EPHA3: variants seen among roughly 807,000 people sequenced by gnomAD.
The protein encoded by EPHA3 is ephrin type-A receptor 3.
Under a neutral mutation model 107.1 loss-of-function variants are expected in EPHA3, and 42 were observed. The observed-to-expected ratio is 0.39, with a 90% CI of 0.31 to 0.51. The LOEUF (loss-of-function observed/expected upper bound fraction) is 0.51, where lower values mean the gene tolerates loss of function less well. EPHA3 is among the 20% of genes least tolerant of loss of function. The pLI is 0.78. For synonymous variants in EPHA3, 461 were observed against 424.8 expected (o/e 1.09, Z -1.05); for missense variants, 1,183 against 1,211.2 (o/e 0.98, Z 0.35).
chr3:89,183,430 C>T (rs745349057), intron 2 of EPHA3, among the ~76,000 whole-genome samples: 1 of 151,822 alleles, frequency 6.6e-6, no homozygotes, highest in South Asian at 2.1e-4. Flanking sequence ...CTTGCTACAT[C>T]ATCCTACCAA....
At chr3:89,116,211 G>A (rs1707249779) in intron 1 of EPHA3, among the ~76,000 whole-genome samples, 1 of 152,080 alleles carries the variant, frequency 6.6e-6, no homozygotes, top group African/African-American at 2.4e-5. Flanking sequence ...CTGGAAAGAA[G>A]ATTTTGTCAG....
intron 2 of EPHA3, among the ~76,000 whole-genome samples, chr3:89,164,170 T>C: frequency 6.6e-6 from 1 of 152,198 alleles, no homozygotes; most frequent in East Asian, 1.9e-4. Flanking sequence ...ACAAGGAATG[T>C]CCAATCTTTT....
intron 13 of EPHA3, among the ~76,000 whole-genome samples, chr3:89,446,596 A>G (rs369401723): frequency 9.2e-5 from 14 of 152,010 alleles, no homozygotes; most frequent in African/African-American, 3.4e-4. Context: ...TTATGACTCT[A>G]TTTTAATTTC....
Position 89,472,449 on chromosome 3 carries a change from T to C in EPHA3, c.2691-15T>C. The C allele has an allele frequency of 6.2e-7, 1 of 1,600,930 alleles. No individual in the cohort carries two copies. Among genetic ancestry groups the C allele is most frequent in the Non-Finnish European group, 8.5e-7 (1 of 1,173,730 alleles). ...ACTCCTGATCTGTCTCCCTTTGGTG[T>C]TTTTTTTCTTGCAGGCCATCAAACC... On this transcript the variant is annotated splice_polypyrimidine_tract_variant and intron_variant, in intron 15 of 16. Coordinates refer to ENST00000336596, the MANE Select transcript of EPHA3 (RefSeq NM_005233.6).
intron 5 of EPHA3, among the ~76,000 whole-genome samples, chr3:89,352,192 A>G (rs1192272162): frequency 2.0e-5 from 3 of 151,366 alleles, no homozygotes; most frequent in Non-Finnish European, 4.4e-5. Context: ...AATGACCTCT[A>G]TTATCTACTT....
intron 3 of EPHA3, among the ~76,000 whole-genome samples, chr3:89,215,912 C>G (rs1704211561): frequency 6.6e-6 from 1 of 151,802 alleles, no homozygotes; most frequent in African/African-American, 2.4e-5. Flanking sequence ...TTAAAGTATA[C>G]TTCTAAAGCT....
At chr3:89,401,049 C>A (rs1708952027) in intron 7 of EPHA3, among the ~76,000 whole-genome samples, 1 of 152,102 alleles carries the variant, frequency 6.6e-6, no homozygotes, top group Admixed American at 6.5e-5. Flanking sequence ...GACATAAAAT[C>A]TCATTGTTAC....
intron 3 of EPHA3, among the ~76,000 whole-genome samples, chr3:89,250,848 G>A (rs1705145805): frequency 6.6e-6 from 1 of 152,090 alleles, no homozygotes; most frequent in Non-Finnish European, 1.5e-5. Flanking sequence ...CTGTAACTAG[G>A]TAAAATTTAT....
intron 15 of EPHA3, among the ~76,000 whole-genome samples, chr3:89,471,125 G>T (rs1286495007): frequency 6.6e-6 from 1 of 151,614 alleles, no homozygotes; most frequent in African/African-American, 2.4e-5. Flanking sequence ...CTAGTGACTG[G>T]CTCCAGTCTT....
At chr3:89,223,239 G>A (rs534642351) in intron 3 of EPHA3, among the ~76,000 whole-genome samples, 1 of 152,166 alleles carries the variant, frequency 6.6e-6, no homozygotes, top group East Asian at 1.9e-4. Flanking sequence ...AAGATGATGG[G>A]TGGCATCATG....
Position 89,450,352 on chromosome 3 carries a change from T to C in EPHA3, c.2672T>C (p.Ile891Thr), listed in dbSNP as rs2107555483. The C allele has an allele frequency of 1.2e-6, 2 of 1,613,378 alleles. No homozygotes were observed. The highest frequency in any genetic ancestry group is 2.2e-5 in the East Asian group (1 of 44,870). Reference sequence around the variant, plus strand: ...CGGAATCCCGGCAGCCTGAAGATCATCACCAGTGCAGCCGCAAGGTGACAC... The same window carrying C: ...CGGAATCCCGGCAGCCTGAAGATCACCACCAGTGCAGCCGCAAGGTGACAC... ...LIRNPGSLKI[I>T]TSAAARPSNL... is the part of the protein sequence containing the mutation. Residue 891 changes from isoleucine (I) to threonine (T), a missense_variant, in exon 15 of 17, where the codon ATC becomes ACC. By Grantham distance (89) the Ile-to-Thr change is moderately conservative. Transcript: ENST00000336596.
chr3:89,266,122 A>C (rs1363692955), intron 3 of EPHA3, among the ~76,000 whole-genome samples: 2 of 152,156 alleles, frequency 1.3e-5, no homozygotes, highest in Non-Finnish European at 2.9e-5. Flanking sequence ...AGACACTCTA[A>C]ACTCATTGAA....
chr3:89,221,387 A>G (rs1048253189), intron 3 of EPHA3, among the ~76,000 whole-genome samples: 4 of 152,158 alleles, frequency 2.6e-5, no homozygotes, highest in African/African-American at 7.2e-5. Flanking sequence ...TCCCTATAGA[A>G]GAGCAGAAAA....
intron 5 of EPHA3, among the ~76,000 whole-genome samples, chr3:89,365,819 T>A (rs1023427808): frequency 7.3e-5 from 11 of 150,624 alleles, no homozygotes; most frequent in Non-Finnish European, 3.0e-5. Context: ...AAAGCCCATT[T>A]CCCTGCAGAG....
At chr3:89,184,641 G>A (rs1165390398) in intron 2 of EPHA3, among the ~76,000 whole-genome samples, 1 of 151,980 alleles carries the variant, frequency 6.6e-6, no homozygotes, top group African/African-American at 2.4e-5. Flanking sequence ...ATCAATGAAA[G>A]ATACTGTGCT....
At chr3:89,332,069 A>T (rs1453990697) in intron 3 of EPHA3, among the ~76,000 whole-genome samples, 1 of 152,142 alleles carries the variant, frequency 6.6e-6, no homozygotes, top group African/African-American at 2.4e-5. Flanking sequence ...TTTCTATCCC[A>T]TTCTCGCTCT....
intron 3 of EPHA3, among the ~76,000 whole-genome samples, chr3:89,280,869 G>A (rs936254565): frequency 2.6e-4 from 39 of 152,102 alleles, no homozygotes; most frequent in African/African-American, 8.7e-4. Context: ...AGTCTGTGAC[G>A]TAATCATGAT....
At chr3:89,396,242 GAC>G (rs1441513051) in intron 6 of EPHA3, among the ~76,000 whole-genome samples, 7 of 152,092 alleles carry the variant, frequency 4.6e-5, no homozygotes, top group African/African-American at 1.7e-4. Flanking sequence ...TTTACACCAA[GAC>G]CCCTACTCTA....
At chr3:89,180,118 A>G (rs1705408024) in intron 2 of EPHA3, among the ~76,000 whole-genome samples, 1 of 152,096 alleles carries the variant, frequency 6.6e-6, no homozygotes, top group African/African-American at 2.4e-5. Flanking sequence ...TTTCTACAAC[A>G]GCATAAATTT....
Sources: gnomAD v4.1 joint callset for allele counts (sites outside exome capture counted in the v4.1 genomes callset) on GRCh38, gnomAD v4.1.1 for gene constraint, MANE v1.5 for transcripts, NCBI Gene and HGNC (gene_info 2026-07-23, HGNC 2026-07-21) for gene names.